PLEKHG4B: variants seen among roughly 807,000 people sequenced by gnomAD.
PLEKHG4B encodes pleckstrin homology domain-containing family G member 4B.
In PLEKHG4B, 111 loss-of-function variants were observed where a neutral mutation model predicts 121.3. The ratio of observed to expected loss-of-function variants is 0.92; its 90% CI spans 0.78 to 1.07. The LOEUF is 1.07. PLEKHG4B is among the 50% of genes least tolerant of loss of function. The pLI is 0.00. For missense variants in PLEKHG4B, 1,831 were observed against 1,757.8 expected, an observed-to-expected ratio of 1.04 and a Z score of -0.74; for synonymous variants, 738 against 725.0, an observed-to-expected ratio of 1.02 and a Z score of -0.29.
rs995770151 is a variant in PLEKHG4B, at chr5:173,984, A to G, written c.4288A>G (p.Arg1430Gly). Reference sequence around the variant, plus strand: ...CTTGAGGTTTGAGATTTGGTTTCGCAGGCGGCGGAAATCTCAGGACACCTA... The same window carrying G: ...CTTGAGGTTTGAGATTTGGTTTCGCGGGCGGCGGAAATCTCAGGACACCTA... Reference protein sequence around the residue: ...SGLRFEIWFRRRRKSQDTYIL... With the variant: ...SGLRFEIWFRGRRKSQDTYIL... The change falls in exon 18 of 20, where the codon AGG becomes GGG. Residue 1430 changes from arginine (R) to glycine (G), a missense_variant. Physicochemically the swap from Arg to Gly is moderately radical, Grantham distance 125. Transcript: ENST00000637938. 2.5e-6 allele frequency: 4 copies of G among 1,612,284 alleles called. No homozygotes were observed. Among genetic ancestry groups the G allele is most frequent in the South Asian group, 1.1e-5 (1 of 90,712 alleles).
Position 169,544 on chromosome 5 carries a change from G to A in PLEKHG4B, c.3681G>A (p.Glu1227=). 1.2e-6 allele frequency: 2 copies of A among 1,613,938 alleles called. No homozygotes were observed. Among genetic ancestry groups the A allele is most frequent in the South Asian group, 1.1e-5 (1 of 91,092 alleles). Residue 1227 remains glutamate (E), a synonymous_variant, in exon 14 of 20, where the codon GAG becomes GAA. Coordinates refer to ENST00000637938, the MANE Select transcript of PLEKHG4B (RefSeq NM_052909.5). ...AGCAGCACTTCCTCCGGGAGCTGGA[G>A]CGCTGCCAGCACTGCCCCTTGGCCG... is the stretch of plus-strand genomic sequence containing the variant. The part of the protein sequence containing the change: ...FHQQHFLREL[E]RCQHCPLAVG...
In PLEKHG4B at chr5:151,547, T is replaced by A. The variant is rs1735604544; in HGVS notation, c.1940T>A (p.Leu647Gln). ...TCTCCTATAATTCATAGTATCTTGC[T>A]GTTGGTAGATAAAGAATCTGCATTT... ...NTSPIIHSIL[L>Q]LVDKESAFRP... Residue 647 changes from leucine to glutamine, a missense_variant, in exon 7 of 20, where the codon CTG becomes CAG. Physicochemically the swap from Leu to Gln is moderately radical, Grantham distance 113 (BLOSUM62 -2). Transcript: ENST00000637938. 14 of 1,588,170 alleles carry A rather than the reference T, an allele frequency of 8.8e-6. No individual in the cohort carries two copies. Among genetic ancestry groups the A allele is most frequent in the Non-Finnish European group, 1.2e-5 (14 of 1,157,338 alleles).
Position 163,336 on chromosome 5 carries a change from A to G in PLEKHG4B, c.3264A>G (p.Ile1088Met). ...TAAAGAAAACGCAAAGTTTCGAGAT[A>G]CCTCAGCCCGACAGTGGCCCCAGGG... ...KMIKKTQSFE[I>M]PQPDSGPRDS... The change falls in exon 13 of 20, where the codon ATA becomes ATG. Residue 1088 changes from isoleucine (I) to methionine (M), a missense_variant. Physicochemically the swap from Ile to Met is conservative, Grantham distance 10. Transcript: ENST00000637938. 1 of 1,613,282 alleles carries G rather than the reference A, an allele frequency of 6.2e-7. No homozygotes were observed. The highest frequency in any genetic ancestry group is 8.5e-7 in the Non-Finnish European group (1 of 1,180,016).
At chr5:132,600 C>T (rs1272187453) in intron 2 of PLEKHG4B, among the ~76,000 whole-genome samples, 2 of 152,110 alleles carry the variant, frequency 1.3e-5, no homozygotes, top group African/African-American at 4.8e-5. Context: ...CGGTTTTGTT[C>T]TTCTACATGT....
chr5:174,996 G>C (rs1350638260), intron 18 of PLEKHG4B, among the ~76,000 whole-genome samples: 8 of 152,044 alleles, frequency 5.3e-5, no homozygotes, highest in Non-Finnish European at 1.2e-4. Flanking sequence ...GGGGCACCTG[G>C]GGGCTCCTCG....
chr5:163,984 TGTC>T (rs1165932935), intron 13 of PLEKHG4B, among the ~76,000 whole-genome samples: 2 of 152,234 alleles, frequency 1.3e-5, no homozygotes, highest in African/African-American at 4.8e-5. Context: ...CCTTCTCACT[TGTC>T]GAGCCTGCAA....
chr5:155,934 T>G, intron 9 of PLEKHG4B, 137 bp from the exon 10 acceptor site: 2 of 858,144 alleles, frequency 2.3e-6, no homozygotes, highest in Non-Finnish European at 3.5e-6. Context: ...ACCATCAGCT[T>G]GAGGAGTGGG....
chr5:132,005 A>G (rs1211372599), intron 2 of PLEKHG4B, among the ~76,000 whole-genome samples: 1 of 152,234 alleles, frequency 6.6e-6, no homozygotes, highest in Non-Finnish European at 1.5e-5. Context: ...TAGGAATAAA[A>G]GGAAACTATC....
chr5:154,756 G>A, intron 7 of PLEKHG4B, 119 bp from the exon 8 acceptor site: 2 of 747,804 alleles, frequency 2.7e-6, no homozygotes, highest in East Asian at 2.5e-5. Context: ...CAGCAAAGCA[G>A]GGGCGATACT....
chr5:128,599 A>G (rs1439049675), intron 2 of PLEKHG4B, among the ~76,000 whole-genome samples: 1 of 152,224 alleles, frequency 6.6e-6, no homozygotes, highest in African/African-American at 2.4e-5. Context: ...TGGGGCTGCC[A>G]GTGGGGCCAA....
At chr5:147,840 A>G (rs987935021) in intron 6 of PLEKHG4B, among the ~76,000 whole-genome samples, 2 of 152,208 alleles carry the variant, frequency 1.3e-5, no homozygotes, top group African/African-American at 4.8e-5. Flanking sequence ...AAAATCATCA[A>G]CAAAATACTA....
rs183487329 is a variant in PLEKHG4B at position 164,957 on chromosome 5, C to G, written c.3476+1409C>G. Among the ~76,000 whole-genome samples the G allele has an allele frequency of 5.5e-4, 23 of 41,694 alleles. 1 individual carries two copies. Among genetic ancestry groups the G allele is most frequent in the African/African-American group, 7.1e-4 (7 of 9,888 alleles). The allele number at this position is 41,694 out of a possible 152,430, so 27.4% of individuals were successfully genotyped here. A position where few individuals can be genotyped will look rare whatever the true frequency, so the allele number is the denominator to read the frequency against. ...GCTGTGACGGGGCGGGGCTTACACACTAATGCTCTGACGGGGCGGAGCTCA... is the reference window on the plus strand; with the variant it reads ...GCTGTGACGGGGCGGGGCTTACACAGTAATGCTCTGACGGGGCGGAGCTCA... On this transcript the variant is annotated intron_variant, in intron 13 of 19. Transcript: ENST00000637938.
intron 2 of PLEKHG4B, among the ~76,000 whole-genome samples, chr5:138,294 T>C (rs879380731): frequency 2.6e-5 from 4 of 152,250 alleles, no homozygotes; most frequent in Non-Finnish European, 4.4e-5. Context: ...ATATCAATGA[T>C]AGTTCCGTTT....
chr5:169,142 G>A lies in PLEKHG4B; in HGVS notation c.3477-198G>A, dbSNP rs541519494. On this transcript the variant is annotated intron_variant, in intron 13 of 19. Coordinates refer to ENST00000637938, the MANE Select transcript of PLEKHG4B (RefSeq NM_052909.5). Reference sequence around the variant, plus strand: ...ACCCGCCTCAGCCTCCCAAAGTCCTGGGATTACAGGCACGAGCCCCCACGC... The same window carrying A: ...ACCCGCCTCAGCCTCCCAAAGTCCTAGGATTACAGGCACGAGCCCCCACGC... 4.9e-5 allele frequency: 32 copies of A among 655,060 alleles called. No homozygotes were observed. The East Asian group carries it at 8.5e-4, about 17-fold the overall frequency. 40.6% of individuals were successfully genotyped at this position (655,060 alleles called of 1,614,324 possible). A position where few individuals can be genotyped will look rare whatever the true frequency, so the allele number is the denominator to read the frequency against.
rs201285914 is a variant in PLEKHG4B, at chr5:163,484, C to T, written c.3412C>T (p.Arg1138Trp). ...CAGGAGCCCCCCGGTCACTCAGAGC[C>T]GGAGTCTGTCCTCCCCCTCGGGGCT... Reference protein sequence around the residue: ...HARSPPVTQSRSLSSPSGLHP... With the variant: ...HARSPPVTQSWSLSSPSGLHP... The change falls in exon 13 of 20, where the codon CGG (arginine) becomes TGG (tryptophan). Residue 1138 changes from arginine to tryptophan, a missense_variant. Arg to Trp is a moderately radical substitution (Grantham distance 101, BLOSUM62 -3). Coordinates refer to ENST00000637938, the MANE Select transcript of PLEKHG4B (RefSeq NM_052909.5). The T allele has an allele frequency of 6.5e-5, 105 of 1,612,628 alleles. No individual in the cohort carries two copies. Among genetic ancestry groups the T allele is most frequent in the African/African-American group, 5.6e-4 (42 of 75,054 alleles).
chr5:175,017 G>A (rs544444379), intron 18 of PLEKHG4B, among the ~76,000 whole-genome samples: 23 of 152,130 alleles, frequency 1.5e-4, no homozygotes, highest in Admixed American at 9.2e-4. Context: ...GTCAGCACTT[G>A]ACAAGAAAGC....
rs372674419 is a variant in PLEKHG4B, at chr5:181,423, TGGGCTGA to T, written c.4403-86_4403-80del. 11 of 1,368,496 alleles carry T rather than the reference TGGGCTGA, an allele frequency of 8.0e-6. 1 individual carries two copies. In the African/African-American group the frequency reaches 8.6e-5, roughly 11 times the overall value. 84.8% of individuals were successfully genotyped at this position (1,368,496 alleles called of 1,614,324 possible). A position where few individuals can be genotyped will look rare whatever the true frequency, so the allele number is the denominator to read the frequency against. Reference sequence around the variant, plus strand: ...GTATACCCTGTACACCCTCCTGGTTTGGGCTGAGGGCATTAGGGGTACCGGGCGTCTT... The same window carrying T: ...GTATACCCTGTACACCCTCCTGGTTTGGGCATTAGGGGTACCGGGCGTCTT... On this transcript the variant is annotated intron_variant, in intron 18 of 19. Coordinates refer to ENST00000637938, the MANE Select transcript of PLEKHG4B (RefSeq NM_052909.5).
At chr5:97,945 G>C (rs578243889) in intron 1 of PLEKHG4B, among the ~76,000 whole-genome samples, 4 of 152,128 alleles carry the variant, frequency 2.6e-5, no homozygotes, top group African/African-American at 7.2e-5. Flanking sequence ...ACCAACACTT[G>C]TTCTTTTATA....
At chr5:168,865 CT>C (rs140551039) in intron 13 of PLEKHG4B, among the ~76,000 whole-genome samples, 1,602 of 100,290 alleles carry the variant, frequency 0.016, 17 homozygotes, top group African/African-American at 0.034. Flanking sequence ...GAAGATTATT[CT>C]TTTTTTTTTT....
Sources: gnomAD v4.1 joint callset for allele counts (sites outside exome capture counted in the v4.1 genomes callset) on GRCh38, gnomAD v4.1.1 for gene constraint, MANE v1.5 for transcripts, NCBI Gene and HGNC (gene_info 2026-07-23, HGNC 2026-07-21) for gene names.